Variants in INPP4B observed in about 807,000 individuals in gnomAD.
The protein encoded by INPP4B is inositol polyphosphate-4-phosphatase type II B, also known as inositol polyphosphate 4-phosphatase type II.
In INPP4B, 55 loss-of-function variants were observed where a neutral mutation model predicts 122.5. That is an observed-to-expected ratio of 0.45 (90% CI 0.36 to 0.56). The LOEUF (loss-of-function observed/expected upper bound fraction) is 0.56. Ranked by LOEUF, INPP4B falls within the 20% of genes least tolerant of loss-of-function variation. INPP4B has a pLI of 0.00. For missense variants in INPP4B, 1,000 were observed against 1,097.7 expected, an observed-to-expected ratio of 0.91 and a Z score of 1.26; for synonymous variants, 403 against 388.7, an observed-to-expected ratio of 1.04 and a Z score of -0.43.
intron 2 of INPP4B, among the ~76,000 whole-genome samples, chr4:142,595,997 C>T (rs1418592190): frequency 6.6e-6 from 1 of 151,994 alleles, no homozygotes; most frequent in Non-Finnish European, 1.5e-5. Context: ...TACAGCCACA[C>T]ACCACCATGC....
At chr4:142,681,221 A>G (rs747363915) in intron 2 of INPP4B, among the ~76,000 whole-genome samples, 34 of 151,822 alleles carry the variant, frequency 2.2e-4, no homozygotes, top group Admixed American at 5.3e-4. Context: ...TAAGGCACAC[A>G]CTTATGTTAC....
At chr4:142,194,737 T>A (rs529090075) in intron 14 of INPP4B, among the ~76,000 whole-genome samples, 2 of 152,322 alleles carry the variant, frequency 1.3e-5, no homozygotes, top group South Asian at 4.1e-4. Flanking sequence ...GATGGGAACC[T>A]GAGTCGCTGG....
intron 11 of INPP4B, among the ~76,000 whole-genome samples, chr4:142,252,259 G>A (rs567292293): frequency 1.9e-4 from 28 of 149,188 alleles, no homozygotes; most frequent in African/African-American, 6.2e-4. Context: ...CGCGATCTCG[G>A]CTCACTGCAA....
At chr4:142,430,297 T>C (rs1809023882) in intron 4 of INPP4B, among the ~76,000 whole-genome samples, 1 of 152,076 alleles carries the variant, frequency 6.6e-6, no homozygotes, top group South Asian at 2.1e-4. Flanking sequence ...TGACAATCAT[T>C]AGGTAGGTTT....
intron 2 of INPP4B, among the ~76,000 whole-genome samples, chr4:142,580,234 C>G (rs1489651968): frequency 6.6e-6 from 1 of 151,766 alleles, no homozygotes; most frequent in Non-Finnish European, 1.5e-5. Context: ...TTGCCACTTA[C>G]TAGTTGTGCT....
chr4:142,442,172 G>A (rs1036789548), intron 3 of INPP4B, among the ~76,000 whole-genome samples: 1 of 152,020 alleles, frequency 6.6e-6, no homozygotes, highest in Non-Finnish European at 1.5e-5. Context: ...CAGCACTTTG[G>A]GAGGCTGAGG....
intron 2 of INPP4B, among the ~76,000 whole-genome samples, chr4:142,695,080 A>G (rs1011488233): frequency 7.9e-5 from 12 of 152,108 alleles, no homozygotes; most frequent in African/African-American, 2.9e-4. Context: ...CTTCATAATC[A>G]TTCACTTTTT....
chr4:142,400,168 G>A (rs960524992), intron 7 of INPP4B, among the ~76,000 whole-genome samples: 2 of 152,158 alleles, frequency 1.3e-5, no homozygotes, highest in Non-Finnish European at 2.9e-5. Context: ...AAATGGCAAA[G>A]TAACGTGTTT....
At chr4:142,070,284 C>A (rs947677507) in intron 25 of INPP4B, among the ~76,000 whole-genome samples, 1 of 152,158 alleles carries the variant, frequency 6.6e-6, no homozygotes, top group Admixed American at 6.6e-5. Context: ...CAAAATTCGA[C>A]AGCCTTTCAT....
intron 5 of INPP4B, among the ~76,000 whole-genome samples, chr4:142,412,165 ATTGGACTCCAT>A (rs1804740155): frequency 6.6e-6 from 1 of 152,170 alleles, no homozygotes; most frequent in Non-Finnish European, 1.5e-5. Context: ...CCAATAAATT[ATTGGACTCCAT>A]TATATGGTTT....
chr4:142,829,222 C>T (rs959488385), intron 1 of INPP4B, among the ~76,000 whole-genome samples: 1 of 152,100 alleles, frequency 6.6e-6, no homozygotes, highest in South Asian at 2.1e-4. Flanking sequence ...TGGATTCACT[C>T]TTCTCAGCTT....
intron 25 of INPP4B, among the ~76,000 whole-genome samples, chr4:142,077,092 G>A (rs1771185306): frequency 6.6e-6 from 1 of 151,912 alleles, no homozygotes; most frequent in Non-Finnish European, 1.5e-5. Context: ...AATTACAGGC[G>A]CAACATGTTG....
At chr4:142,322,184 T>C (rs1205646107) in intron 7 of INPP4B, among the ~76,000 whole-genome samples, 2 of 152,204 alleles carry the variant, frequency 1.3e-5, no homozygotes, top group African/African-American at 2.4e-5. Flanking sequence ...GGTTTTCTAG[T>C]TGTTTAATTT....
intron 3 of INPP4B, among the ~76,000 whole-genome samples, chr4:142,451,235 T>C (rs1327441503): frequency 2.7e-5 from 4 of 150,834 alleles, no homozygotes; most frequent in Non-Finnish European, 5.9e-5. Context: ...TTTCCCTTTT[T>C]TGTTGCTGTT....
intron 1 of INPP4B, among the ~76,000 whole-genome samples, chr4:142,747,663 C>T (rs1422586260): frequency 6.6e-6 from 1 of 152,122 alleles, no homozygotes; most frequent in Non-Finnish European, 1.5e-5. Context: ...AAATGTGGCA[C>T]ATATACAGCA....
rs562389854 is a variant in INPP4B at position 142,792,949 on chromosome 4, C to T, written c.-254+53260G>A. Among the ~76,000 whole-genome samples, 47 of 152,062 alleles carry T rather than the reference C, an allele frequency of 3.1e-4. No homozygotes were observed. The Middle Eastern group carries it at 0.014, about 44-fold the overall frequency. On this transcript the variant is annotated intron_variant, in intron 1 of 25. Transcript: ENST00000262992. Reference sequence around the variant, plus strand: ...TACCCCAATCTTGGCCCTGATGCTCCCTTTACTAGATAGACATTGGCAACC... The same window carrying T: ...TACCCCAATCTTGGCCCTGATGCTCTCTTTACTAGATAGACATTGGCAACC...
intron 2 of INPP4B, among the ~76,000 whole-genome samples, chr4:142,691,544 A>G (rs1228312398): frequency 6.6e-6 from 1 of 152,108 alleles, no homozygotes; most frequent in Non-Finnish European, 1.5e-5. Context: ...AAGTATTAAT[A>G]AAATCCAGTC....
intron 12 of INPP4B, among the ~76,000 whole-genome samples, chr4:142,209,709 C>G (rs1005305112): frequency 2.7e-4 from 35 of 129,696 alleles, no homozygotes; most frequent in African/African-American, 9.3e-4. Flanking sequence ...AGGAGAATCA[C>G]TTGAACTCAG....
intron 2 of INPP4B, among the ~76,000 whole-genome samples, chr4:142,465,096 G>A (rs536475435): frequency 1.3e-5 from 2 of 152,200 alleles, no homozygotes; most frequent in African/African-American, 4.8e-5. Context: ...TTAAATACCC[G>A]TAATGCATAC....
Sources: allele counts gnomAD v4.1 joint callset (sites outside exome capture counted in the v4.1 genomes callset), GRCh38; gene constraint gnomAD v4.1.1; transcripts MANE v1.5; gene names NCBI Gene and HGNC (gene_info 2026-07-23, HGNC 2026-07-21).